The following NOS1AP variants were observed in gnomAD, a reference collection of about 807,000 sequenced individuals.
NOS1AP encodes nitric oxide synthase 1 adaptor protein.
A neutral mutation model predicts 56.2 loss-of-function variants in NOS1AP; 21 were observed. That is an observed-to-expected ratio of 0.37 (90% confidence interval 0.26 to 0.54). The LOEUF is 0.54. Among genes scored for constraint, NOS1AP ranks in the 20% least tolerant of loss-of-function variants. The probability of loss-of-function intolerance (pLI) is 0.84; values close to 1 mark genes in which losing one functional copy is unlikely to be tolerated. For synonymous variants in NOS1AP, 270 were observed against 274.6 expected, an observed-to-expected ratio of 0.98 and a Z score of 0.17; for missense variants, 522 against 657.8, an observed-to-expected ratio of 0.79 and a Z score of 2.26.
chr1:162,331,180 G>C (rs1557880946), intron 4 of NOS1AP, among the ~76,000 whole-genome samples: 1 of 152,128 alleles, frequency 6.6e-6, no homozygotes. Flanking sequence ...TAGAAGGATA[G>C]GGGACTGGAA....
At chr1:162,075,415 T>C (rs1691746233) in intron 1 of NOS1AP, among the ~76,000 whole-genome samples, 2 of 152,242 alleles carry the variant, frequency 1.3e-5, no homozygotes, top group African/African-American at 4.8e-5. Context: ...TGATGTGGAT[T>C]TTAGAGATTC....
At chr1:162,152,222 C>G (rs1030209462) in intron 1 of NOS1AP, among the ~76,000 whole-genome samples, 14 of 152,292 alleles carry the variant, frequency 9.2e-5, no homozygotes, top group Non-Finnish European at 1.9e-4. Flanking sequence ...CTTTCCTGGT[C>G]TGCAGGGATC....
At chr1:162,365,128 C>T in intron 8 of NOS1AP, 1 of 1,393,886 alleles carries the variant, frequency 7.2e-7, no homozygotes, top group Non-Finnish European at 9.3e-7. Flanking sequence ...GGGTCGATGG[C>T]TCTTTCCTGC....
At chr1:162,144,631 A>AG (rs1284958050) in intron 1 of NOS1AP, among the ~76,000 whole-genome samples, 1 of 152,112 alleles carries the variant, frequency 6.6e-6, no homozygotes, top group Non-Finnish European at 1.5e-5. Context: ...TCAGCATCCC[A>AG]GGTAGGCATG....
rs531460231 is a variant in NOS1AP, at chr1:162,160,495, C to T, written c.177+6019C>T. ...TGGACGGGCGGCTTTATGGAGGCAG[C>T]GACTGGAGTTGTGAGTGCCGCCTGT... On this transcript the variant is annotated intron_variant, in intron 2 of 9. Transcript: ENST00000361897. Among the ~76,000 whole-genome samples the T allele has an allele frequency of 3.1e-4, 47 of 152,308 alleles. No homozygotes were observed. The South Asian group carries it at 4.1e-3, about 13-fold the overall frequency.
At chr1:162,347,658 C>T (rs150609092) in intron 6 of NOS1AP, among the ~76,000 whole-genome samples, 1 of 152,170 alleles carries the variant, frequency 6.6e-6, no homozygotes, top group Non-Finnish European at 1.5e-5. Flanking sequence ...ACTTCTGGCC[C>T]CTGCAGTGGT....
chr1:162,172,938 T>TC (rs1553192749), intron 2 of NOS1AP, among the ~76,000 whole-genome samples: 1 of 151,054 alleles, frequency 6.6e-6, no homozygotes, highest in Non-Finnish European at 1.5e-5. Flanking sequence ...GGTTTTTTTT[T>TC]TGTGATGGGG....
At chr1:162,274,054 C>T (rs1478015449) in intron 2 of NOS1AP, among the ~76,000 whole-genome samples, 1 of 151,766 alleles carries the variant, frequency 6.6e-6, no homozygotes, top group Non-Finnish European at 1.5e-5. Context: ...GGGAACATAA[C>T]TTTCCCTTTC....
Position 162,211,963 on chromosome 1 carries a change from A to G in NOS1AP, c.177+57487A>G, listed in dbSNP as rs147820587. Among the ~76,000 whole-genome samples the G allele has an allele frequency of 2.4e-3, 371 of 152,342 alleles. 4 individuals are homozygous for G. Among genetic ancestry groups the G allele is most frequent in the African/African-American group, 8.3e-3 (347 of 41,572 alleles). On this transcript the variant is annotated intron_variant, in intron 2 of 9. Coordinates refer to ENST00000361897, the MANE Select transcript of NOS1AP (RefSeq NM_014697.3). ...AACAGAACCAAGACCCCAAAAGTTC[A>G]GATTGTTGGTATGAAGTCATAAGAC...
intron 2 of NOS1AP, among the ~76,000 whole-genome samples, chr1:162,235,233 C>T (rs1347052258): frequency 6.6e-6 from 1 of 152,110 alleles, no homozygotes; most frequent in Non-Finnish European, 1.5e-5. Flanking sequence ...ACTCAGCTAA[C>T]TTGAATTTGA....
intron 1 of NOS1AP, among the ~76,000 whole-genome samples, chr1:162,075,410 T>C (rs1215784419): frequency 6.6e-6 from 1 of 152,240 alleles, no homozygotes; most frequent in African/African-American, 2.4e-5. Context: ...TTCCCTGATG[T>C]GGATTTTAGA....
chr1:162,208,368 C>G (rs1409010886), intron 2 of NOS1AP, among the ~76,000 whole-genome samples: 1 of 152,208 alleles, frequency 6.6e-6, no homozygotes, highest in Non-Finnish European at 1.5e-5. Context: ...AGAGACATGT[C>G]TTATTCATCT....
At chr1:162,127,443 A>G (rs1648539229) in intron 1 of NOS1AP, among the ~76,000 whole-genome samples, 1 of 151,988 alleles carries the variant, frequency 6.6e-6, no homozygotes, top group Admixed American at 6.6e-5. Context: ...ATACTTCATC[A>G]CTAAATACTT....
chr1:162,192,165 C>T (rs552393593), intron 2 of NOS1AP, among the ~76,000 whole-genome samples: 1 of 152,270 alleles, frequency 6.6e-6, no homozygotes, highest in East Asian at 1.9e-4. Flanking sequence ...ATATGAAACT[C>T]TGGGGGTGGG....
chr1:162,074,490 T>A (rs993683181), intron 1 of NOS1AP, among the ~76,000 whole-genome samples: 2 of 152,164 alleles, frequency 1.3e-5, no homozygotes, highest in African/African-American at 4.8e-5. Context: ...CCCATCATTG[T>A]ACAGATGAGG....
chr1:162,077,223 T>C lies in NOS1AP; in HGVS notation c.105+6941T>C, dbSNP rs377448277. Reference sequence around the variant, plus strand: ...GTGTGTTCATATCTTCACCAATGCTTGTTGTCTGACTTTTTGATTCTAGCC... The same window carrying C: ...GTGTGTTCATATCTTCACCAATGCTCGTTGTCTGACTTTTTGATTCTAGCC... On this transcript the variant is annotated intron_variant, in intron 1 of 9. Coordinates refer to ENST00000361897, the MANE Select transcript of NOS1AP (RefSeq NM_014697.3). Among the ~76,000 whole-genome samples, 65 of 152,340 alleles carry C rather than the reference T, an allele frequency of 4.3e-4. 1 individual carries two copies. The highest frequency in any genetic ancestry group is 1.5e-3 in the African/African-American group (62 of 41,566).
chr1:162,215,756 G>T (rs4657173), intron 2 of NOS1AP, among the ~76,000 whole-genome samples: 41,118 of 152,050 alleles, frequency 0.27, 5,764 homozygotes, highest in East Asian at 0.39. Context: ...TGCACCTTAG[G>T]CTCAAGCCAG....
At chr1:162,148,361 G>A (rs1649570778) in intron 1 of NOS1AP, among the ~76,000 whole-genome samples, 1 of 152,236 alleles carries the variant, frequency 6.6e-6, no homozygotes, top group South Asian at 2.1e-4. Context: ...TTAGCTGTGT[G>A]TTCTAGACAG....
chr1:162,138,698 G>C (rs2078323434), intron 1 of NOS1AP, among the ~76,000 whole-genome samples: 1 of 152,138 alleles, frequency 6.6e-6, no homozygotes, highest in Admixed American at 6.5e-5. Flanking sequence ...CTTCACTTAG[G>C]AGCCAAGGCA....
Sources: gnomAD v4.1 joint callset for allele counts (sites outside exome capture counted in the v4.1 genomes callset) on GRCh38, gnomAD v4.1.1 for gene constraint, MANE v1.5 for transcripts, NCBI Gene and HGNC (gene_info 2026-07-23, HGNC 2026-07-21) for gene names.